NFYC: variants seen among roughly 807,000 people sequenced by gnomAD.
The protein encoded by NFYC is CAAT box DNA-binding protein subunit C.
NFYC carries 25 observed loss-of-function variants against 53.1 expected under a neutral mutation model. The ratio of observed to expected loss-of-function variants is 0.47; its 90% CI spans 0.34 to 0.66. NFYC has a LOEUF of 0.66. Ranked by LOEUF, NFYC falls within the 30% of genes least tolerant of loss-of-function variation. The pLI is 0.01. For missense variants in NFYC, 260 were observed against 422.7 expected (o/e 0.62, Z 3.38); for synonymous variants, 145 against 152.6 (o/e 0.95, Z 0.37).
At chr1:40,720,013 A>G (rs544330943) in intron 1 of NFYC, among the ~76,000 whole-genome samples, 1 of 152,346 alleles carries the variant, frequency 6.6e-6, no homozygotes, top group East Asian at 1.9e-4. Context: ...GATTAGCATA[A>G]CTATCTCAGT....
chr1:40,702,159 CT>C (rs1201559235), intron 1 of NFYC, among the ~76,000 whole-genome samples: 2 of 152,110 alleles, frequency 1.3e-5, no homozygotes, highest in African/African-American at 4.8e-5. Context: ...GAGAATATAA[CT>C]TATTTTCAAA....
intron 7 of NFYC, chr1:40,763,475 T>G: frequency 2.2e-6 from 1 of 445,672 alleles, no homozygotes; most frequent in South Asian, 1.6e-5. Context: ...GCCTCCCGAG[T>G]AGCTGGGATT....
intron 1 of NFYC, among the ~76,000 whole-genome samples, chr1:40,717,435 G>A (rs543872133): frequency 7.2e-5 from 11 of 152,158 alleles, no homozygotes; most frequent in Non-Finnish European, 1.6e-4. Context: ...ATCCAGGCGT[G>A]TACAACAAGG....
intron 5 of NFYC, 75 bp from the exon 6 acceptor site, chr1:40,758,046 G>T: frequency 6.5e-7 from 1 of 1,542,572 alleles, no homozygotes; most frequent in Non-Finnish European, 8.9e-7. Flanking sequence ...CTGTTTGGGG[G>T]AAGAGTGGAA....
Position 40,771,357 on chromosome 1 carries a change from C to A in NFYC, c.*529C>A. The A allele has an allele frequency of 2.2e-6, 1 of 459,710 alleles. No individual in the cohort carries two copies. The allele number at this position is 459,710 out of a possible 1,614,324, so 28.5% of individuals were successfully genotyped here. On this transcript the variant is annotated 3_prime_UTR_variant, in exon 10 of 10. Transcript: ENST00000447388. ...CTCTCCCCATCCCTTGCTCTGACCC[C>A]AGAGCTCTGTGTATTTGCATCCAGA...
Position 40,731,463 on chromosome 1 carries a change from G to A in NFYC, c.-8-7373G>A, listed in dbSNP as rs563476952. ...GTTGGGGTTACAGGTGTGAGCCACC[G>A]CACCTGGCCTTTCTTTTTCTTTTTC... On this transcript the variant is annotated intron_variant, in intron 1 of 9. Transcript: ENST00000447388. 4.0e-5 allele frequency among the ~76,000 whole-genome samples: 6 copies of A among 151,132 alleles called. No individual in the cohort carries two copies. In the East Asian group the frequency reaches 5.8e-4, roughly 15 times the overall value.
At chr1:40,722,799 G>A (rs1421431877) in intron 1 of NFYC, among the ~76,000 whole-genome samples, 4 of 152,194 alleles carry the variant, frequency 2.6e-5, no homozygotes, top group Non-Finnish European at 5.9e-5. Context: ...ATTTATTTAT[G>A]TATTTACCTC....
chr1:40,722,936 G>A (rs1300627248), intron 1 of NFYC, among the ~76,000 whole-genome samples: 1 of 152,200 alleles, frequency 6.6e-6, no homozygotes, highest in African/African-American at 2.4e-5. Flanking sequence ...AGTGCAAAAA[G>A]TGGGAAAGAG....
At chr1:40,748,392 G>A (rs1645731709) in intron 3 of NFYC, among the ~76,000 whole-genome samples, 1 of 152,166 alleles carries the variant, frequency 6.6e-6, no homozygotes, top group Non-Finnish European at 1.5e-5. Flanking sequence ...TCCAGCCTCA[G>A]CCTCCCAAAG....
At chr1:40,763,307 GATAT>G in intron 7 of NFYC, 1 of 471,920 alleles carries the variant, frequency 2.1e-6, no homozygotes, top group South Asian at 1.6e-5. Flanking sequence ...TATATACCTT[GATAT>G]ATATATAGAG....
chr1:40,753,440 A>G (rs1318947758), intron 5 of NFYC, among the ~76,000 whole-genome samples, 194 bp downstream of exon 5: 1 of 152,204 alleles, frequency 6.6e-6, no homozygotes, highest in Non-Finnish European at 1.5e-5. Flanking sequence ...CCGAAGTGGT[A>G]TTTCAGTGAA....
chr1:40,707,736 G>C (rs1017048860), intron 1 of NFYC, among the ~76,000 whole-genome samples: 2 of 151,710 alleles, frequency 1.3e-5, no homozygotes, highest in African/African-American at 4.8e-5. Context: ...CTACTCAGGA[G>C]GCTAAGGTGG....
At chr1:40,737,979 T>A (rs1419097740) in intron 1 of NFYC, among the ~76,000 whole-genome samples, 1 of 147,496 alleles carries the variant, frequency 6.8e-6, no homozygotes, top group Non-Finnish European at 1.5e-5. Flanking sequence ...CTCGGCTCAC[T>A]GCAAGCTCCG....
At chr1:40,701,294 T>C (rs1407149823) in intron 1 of NFYC, among the ~76,000 whole-genome samples, 2 of 152,074 alleles carry the variant, frequency 1.3e-5, no homozygotes, top group African/African-American at 4.8e-5. Context: ...TTTTGTATTT[T>C]AGTAGAGATG....
rs1209275718 is a variant in NFYC at position 40,771,325 on chromosome 1, CGTG to C, written c.*500_*502del. On this transcript the variant is annotated 3_prime_UTR_variant, in exon 10 of 10. Coordinates refer to ENST00000447388, the MANE Select transcript of NFYC (RefSeq NM_014223.5). ...GAATGTGTGTAGCTGCTTTTTCACTCGTGGTCCTCTCCCCATCCCTTGCTCTGA... is the reference window on the plus strand; with the variant it reads ...GAATGTGTGTAGCTGCTTTTTCACTCGTCCTCTCCCCATCCCTTGCTCTGA... 2.5e-6 allele frequency: 1 copy of C among 402,356 alleles called. No individual in the cohort carries two copies. Among genetic ancestry groups the C allele is most frequent in the African/African-American group, 2.1e-5 (1 of 47,152 alleles). The allele number at this position is 402,356 out of a possible 1,614,324, so 24.9% of individuals were successfully genotyped here.
At chr1:40,705,841 G>A (rs917219028) in intron 1 of NFYC, among the ~76,000 whole-genome samples, 15 of 152,182 alleles carry the variant, frequency 9.9e-5, no homozygotes, top group African/African-American at 3.4e-4. Flanking sequence ...TGACCTCCTG[G>A]GTCAAGTGAT....
chr1:40,727,212 TTTGGTTGGTTGG>T (rs537086608), intron 1 of NFYC, among the ~76,000 whole-genome samples: 5 of 152,010 alleles, frequency 3.3e-5, no homozygotes, highest in African/African-American at 9.7e-5. Context: ...TGTTTGTTTG[TTTGGTTGGTTGG>T]TTGGTTGGTT....
In NFYC at chr1:40,764,646, C is replaced by T. The variant is rs189102722; in HGVS notation, c.720+1600C>T. Among the ~76,000 whole-genome samples, 29 of 152,324 alleles carry T rather than the reference C, an allele frequency of 1.9e-4. 1 individual carries two copies. Among genetic ancestry groups the T allele is most frequent in the Admixed American group, 1.9e-3 (29 of 15,300 alleles). ...TACTTCATCTTCACTGGCTCAGGCA[C>T]CTTCTGTAGGAGTCTTCATTTCCAG... On this transcript the variant is annotated intron_variant, in intron 7 of 9. Transcript: ENST00000447388.
chr1:40,725,843 A>C (rs1220552545), intron 1 of NFYC, among the ~76,000 whole-genome samples: 1 of 152,232 alleles, frequency 6.6e-6, no homozygotes, highest in Admixed American at 6.5e-5. Flanking sequence ...AGTCACACAA[A>C]TTTGTTGGTT....
Sources: gnomAD v4.1 joint callset for allele counts (sites outside exome capture counted in the v4.1 genomes callset) on GRCh38, gnomAD v4.1.1 for gene constraint, MANE v1.5 for transcripts, NCBI Gene and HGNC (gene_info 2026-07-23, HGNC 2026-07-21) for gene names.